The following TRPC1 variants were observed in gnomAD, a reference collection of about 807,000 sequenced individuals.
TRPC1 encodes the protein transient receptor potential cation channel subfamily C member 1, also known as short transient receptor potential channel 1.
In TRPC1, 42 loss-of-function variants were observed where a neutral mutation model predicts 88.2. The observed-to-expected ratio is 0.48, with a 90% confidence interval of 0.37 to 0.62. TRPC1 has a LOEUF of 0.62. TRPC1 is among the 20% of genes least tolerant of loss of function. TRPC1 has a pLI of 0.00. For synonymous variants in TRPC1, 288 were observed against 331.8 expected, an observed-to-expected ratio of 0.87 and a Z score of 1.43; for missense variants, 699 against 957.3, an observed-to-expected ratio of 0.73 and a Z score of 3.56.
chr3:142,795,124 A>G (rs1426762353), intron 9 of TRPC1, among the ~76,000 whole-genome samples: 1 of 152,140 alleles, frequency 6.6e-6, no homozygotes, highest in Non-Finnish European at 1.5e-5. Context: ...AGAAAAACAC[A>G]TTAGTAAACT....
intron 2 of TRPC1, among the ~76,000 whole-genome samples, chr3:142,740,238 G>GATTTGGAAAT (rs1934297544): frequency 6.6e-6 from 1 of 152,220 alleles, no homozygotes; most frequent in Non-Finnish European, 1.5e-5. Context: ...TTGAAAAGGA[G>GATTTGGAAAT]TCCAGGATGA....
At chr3:142,772,576 A>C (rs1361341517) in intron 4 of TRPC1, among the ~76,000 whole-genome samples, 1 of 152,104 alleles carries the variant, frequency 6.6e-6, no homozygotes, top group African/African-American at 2.4e-5. Context: ...CGGGTGAATC[A>C]CCTGAGATCA....
At chr3:142,784,402 A>T (rs1577996021) in intron 6 of TRPC1, among the ~76,000 whole-genome samples, 1 of 137,642 alleles carries the variant, frequency 7.3e-6, no homozygotes, top group East Asian at 2.0e-4. Flanking sequence ...ATTAGTAGAT[A>T]CTATTATTAT....
intron 4 of TRPC1, among the ~76,000 whole-genome samples, chr3:142,770,004 A>T (rs1198781656): frequency 1.4e-5 from 2 of 146,254 alleles, no homozygotes; most frequent in African/African-American, 5.1e-5. Flanking sequence ...GTTGTTCATT[A>T]TCTGTTTCTC....
intron 2 of TRPC1, among the ~76,000 whole-genome samples, chr3:142,737,676 T>G (rs1042476913): frequency 1.3e-5 from 2 of 152,174 alleles, no homozygotes; most frequent in African/African-American, 4.8e-5. Context: ...TGAGGAGTGG[T>G]ACCTCCGACA....
In TRPC1 at chr3:142,731,146, A is replaced by C. The variant is rs138569263; in HGVS notation, c.173-5233A>C. 4.0e-3 allele frequency among the ~76,000 whole-genome samples: 615 copies of C among 152,222 alleles called. 3 individuals are homozygous for C. The highest frequency in any genetic ancestry group is 0.014 in the African/African-American group (571 of 41,540). ...GTTCATTTTTTTTAAATTGCTGGTT[A>C]GGACTCACTAAATTGATTTTATGAC... On this transcript the variant is annotated intron_variant, in intron 1 of 12. Coordinates refer to ENST00000476941, the MANE Select transcript of TRPC1 (RefSeq NM_001251845.2).
intron 3 of TRPC1, among the ~76,000 whole-genome samples, chr3:142,747,841 T>G (rs2108044812): frequency 6.6e-6 from 1 of 152,296 alleles, no homozygotes; most frequent in African/African-American, 2.4e-5. Flanking sequence ...AATTCTTAGT[T>G]TTTCTCACAT....
At chr3:142,805,125 TATATACACAC>T (rs748147378) in intron 12 of TRPC1, among the ~76,000 whole-genome samples, 7,211 of 123,736 alleles carry the variant, frequency 0.058, 313 homozygotes, top group African/African-American at 0.16. Flanking sequence ...AACAAATATA[TATATACACAC>T]ACACACACAC....
chr3:142,784,494 G>A (rs1372319358), intron 6 of TRPC1, among the ~76,000 whole-genome samples: 1 of 152,116 alleles, frequency 6.6e-6, no homozygotes, highest in Non-Finnish European at 1.5e-5. Flanking sequence ...GCAGAGCCCA[G>A]ATTTGAATCT....
chr3:142,730,724 T>C (rs958448237), intron 1 of TRPC1, among the ~76,000 whole-genome samples: 4 of 151,412 alleles, frequency 2.6e-5, no homozygotes, highest in Non-Finnish European at 5.9e-5. Context: ...AACTTGATCA[T>C]GTCTTTTTAT....
In TRPC1 at chr3:142,784,774, G is replaced by A. The variant is rs1172161848; in HGVS notation, c.1031G>A (p.Arg344His). The A allele has an allele frequency of 4.3e-6, 7 of 1,614,106 alleles. No individual in the cohort carries two copies. The highest frequency in any genetic ancestry group is 1.1e-5 in the South Asian group (1 of 91,084). Residue 344 changes from arginine to histidine, a missense_variant, in exon 7 of 13, where the codon CGC (arginine) becomes CAC (histidine). Transcript: ENST00000476941. ...TTTGGACAGATGTCGGGTTACCGAC[G>A]CAAGCCCACCTGTAAGAAGATAATG... ...VWFGQMSGYR[R>H]KPTCKKIMTV...
At chr3:142,800,773 C>T (rs1187357956) in intron 9 of TRPC1, among the ~76,000 whole-genome samples, 3 of 151,904 alleles carry the variant, frequency 2.0e-5, no homozygotes, top group Non-Finnish European at 4.4e-5. Flanking sequence ...AAAAAATTAG[C>T]TGGGCATGGT....
intron 1 of TRPC1, among the ~76,000 whole-genome samples, chr3:142,725,861 T>C (rs568554194): frequency 3.3e-5 from 5 of 152,228 alleles, no homozygotes; most frequent in African/African-American, 1.2e-4. Flanking sequence ...TTTATTTACA[T>C]GATTTTTTGA....
At chr3:142,791,290 T>G in intron 8 of TRPC1, 132 bp downstream of exon 8, 1 of 719,056 alleles carries the variant, frequency 1.4e-6, no homozygotes, top group South Asian at 3.0e-5. Context: ...TAAGCCTATC[T>G]GTGTGCACAT....
chr3:142,724,603 C>T lies in TRPC1; in HGVS notation c.44C>T (p.Ser15Phe), dbSNP rs751360521. 3.7e-6 allele frequency: 6 copies of T among 1,606,706 alleles called. No homozygotes were observed. In the East Asian group the frequency reaches 1.1e-4, roughly 30 times the overall value. ...CCGAGCACGGACCTCTCGGGCGCCT[C>T]CTCCTCCTCCCTGCCTTCCTCTCCA... is the stretch of plus-strand genomic sequence containing the variant. The part of the protein sequence containing the change: ...LYPSTDLSGA[S>F]SSSLPSSPSS... Residue 15 changes from serine (S) to phenylalanine (F), a missense_variant, in exon 1 of 13, where the codon TCC becomes TTC. By Grantham distance (155) the Ser-to-Phe change is radical. Transcript: ENST00000476941. The surrounding 1 kb of genome is among the most constrained non-coding windows in gnomAD (Gnocchi z 5.6).
intron 9 of TRPC1, among the ~76,000 whole-genome samples, chr3:142,801,616 C>T: frequency 6.6e-6 from 1 of 152,122 alleles, no homozygotes; most frequent in East Asian, 1.9e-4. Flanking sequence ...TTGGCTTGCA[C>T]ACATAATATT....
At chr3:142,783,481 TAC>T (rs1486187781) in intron 6 of TRPC1, among the ~76,000 whole-genome samples, 1 of 152,192 alleles carries the variant, frequency 6.6e-6, no homozygotes, top group Admixed American at 6.5e-5. Flanking sequence ...TAACACCTAA[TAC>T]AGTGCCTACA....
intron 9 of TRPC1, among the ~76,000 whole-genome samples, chr3:142,795,154 A>C (rs1936413451): frequency 1.3e-5 from 2 of 152,102 alleles, no homozygotes; most frequent in African/African-American, 2.4e-5. Flanking sequence ...AACAATAGAA[A>C]CTATTCAAAA....
intron 7 of TRPC1, among the ~76,000 whole-genome samples, chr3:142,785,797 C>T (rs1936116694): frequency 6.6e-6 from 1 of 152,166 alleles, no homozygotes; most frequent in South Asian, 2.1e-4. Flanking sequence ...CCGTGCCCGG[C>T]CTAGAACCTA....
Sources: gnomAD v4.1 joint callset for allele counts (sites outside exome capture counted in the v4.1 genomes callset) on GRCh38, gnomAD v4.1.1 for gene constraint, Gnocchi (gnomAD v3.1) non-coding constraint, MANE v1.5 for transcripts, NCBI Gene and HGNC (gene_info 2026-07-23, HGNC 2026-07-21) for gene names.